Variants in COP1 observed in about 807,000 individuals in gnomAD.
COP1 encodes COP1 E3 ubiquitin ligase.
Under a neutral mutation model 101.3 loss-of-function variants are expected in COP1, and 24 were observed. The ratio of observed to expected loss-of-function variants is 0.24; its 90% CI spans 0.17 to 0.33. COP1 has a LOEUF of 0.33. Ranked by LOEUF, COP1 falls within the 10% of genes least tolerant of loss-of-function variation. The pLI is 1.00. For synonymous variants in COP1, 347 were observed against 341.9 expected (o/e 1.01, Z -0.17); for missense variants, 663 against 906.2 (o/e 0.73, Z 3.45).
intron 11 of COP1, among the ~76,000 whole-genome samples, chr1:176,051,139 T>C (rs1203754607): frequency 1.3e-5 from 2 of 152,136 alleles, no homozygotes; most frequent in African/African-American, 2.4e-5. Flanking sequence ...TGTCAAATGA[T>C]AGGACAAAAT....
chr1:175,954,215 C>A (rs1195934901), intron 18 of COP1, among the ~76,000 whole-genome samples: 1 of 152,056 alleles, frequency 6.6e-6, no homozygotes, highest in East Asian at 1.9e-4. Context: ...AAATGAGAAA[C>A]CATTTTGAAC....
At chr1:175,975,858 C>T (rs1328722324) in intron 18 of COP1, among the ~76,000 whole-genome samples, 2 of 152,188 alleles carry the variant, frequency 1.3e-5, no homozygotes, top group African/African-American at 4.8e-5. Context: ...TGATTAGGAA[C>T]CTGTTTTAAC....
chr1:176,173,324 G>GAAAAAAAAAA (rs11396126), intron 3 of COP1, among the ~76,000 whole-genome samples: 1 of 93,702 alleles, frequency 1.1e-5, no homozygotes. Context: ...AAAACAAAAT[G>GAAAAAAAAAA]AAAAAAAAAA....
At chr1:176,176,141 T>C (rs471534) in intron 2 of COP1, 134 bp from the exon 3 acceptor site, 449,492 of 552,018 alleles carry the variant, frequency 0.81, 186,736 homozygotes, top group East Asian at 0.95. Context: ...TTTTTGCTTA[T>C]ATTTTTACAT....
intron 1 of COP1, among the ~76,000 whole-genome samples, chr1:176,194,448 G>T (rs1397122948): frequency 6.6e-6 from 1 of 152,028 alleles, no homozygotes; most frequent in Non-Finnish European, 1.5e-5. Flanking sequence ...GACCATCCTG[G>T]CCAACATGGT....
At chr1:175,967,624 A>AT (rs1652325280) in intron 18 of COP1, among the ~76,000 whole-genome samples, 1 of 152,190 alleles carries the variant, frequency 6.6e-6, no homozygotes, top group African/African-American at 2.4e-5. Context: ...AAAAACCAAG[A>AT]TTTTGAATTC....
At chr1:175,992,669 T>G (rs993292568) in intron 15 of COP1, among the ~76,000 whole-genome samples, 2 of 152,140 alleles carry the variant, frequency 1.3e-5, no homozygotes, top group South Asian at 4.1e-4. Flanking sequence ...GAGATCAAAC[T>G]GCAAGGCGGC....
chr1:176,022,621 T>C (rs566158331), intron 15 of COP1, among the ~76,000 whole-genome samples: 1 of 152,332 alleles, frequency 6.6e-6, no homozygotes, highest in South Asian at 2.1e-4. Flanking sequence ...AGTTTTCTAG[T>C]TGTAAAGTTT....
rs573637805 is a variant in COP1 at position 175,988,384 on chromosome 1, T to C, written c.1876A>G (p.Asn626Asp). The C allele has an allele frequency of 1.2e-6, 2 of 1,608,912 alleles. No individual in the cohort carries two copies. The highest frequency in any genetic ancestry group is 1.1e-5 in the South Asian group (1 of 90,448). The change falls in exon 17 of 20, where the codon AAT becomes GAT. Residue 626 changes from asparagine (N) to aspartate (D), a missense_variant. Coordinates refer to ENST00000367669, the MANE Select transcript of COP1 (RefSeq NM_022457.7). Reference sequence around the variant, plus strand: ...CGTAGGCAGTATGGTTTCCCTACATTCCACAGTTTTAGCTGACTGTCTGTT... The same window carrying C: ...CGTAGGCAGTATGGTTTCCCTACATCCCACAGTTTTAGCTGACTGTCTGTT... The part of the protein sequence containing the change: ...ASTDSQLKLW[N>D]VGKPYCLRSF...
At chr1:176,051,978 A>T (rs1421807737) in intron 11 of COP1, among the ~76,000 whole-genome samples, 1 of 152,198 alleles carries the variant, frequency 6.6e-6, no homozygotes, top group Non-Finnish European at 1.5e-5. Flanking sequence ...TTAATTATTG[A>T]AGAAAAAAAT....
chr1:176,195,146 G>GA (rs1449519148), intron 1 of COP1, among the ~76,000 whole-genome samples: 1 of 147,370 alleles, frequency 6.8e-6, no homozygotes, highest in African/African-American at 2.5e-5. Context: ...AGAGGGAGAG[G>GA]GAGAAGAGAG....
At chr1:175,952,418 A>G (rs28770189) in intron 18 of COP1, among the ~76,000 whole-genome samples, 9,477 of 54,114 alleles carry the variant, frequency 0.18, 433 homozygotes, top group Non-Finnish European at 0.26. Flanking sequence ...GCAAGACTTC[A>G]TCTCAAAAAA....
chr1:176,130,382 C>A (rs1252200137), intron 8 of COP1, among the ~76,000 whole-genome samples: 1 of 151,716 alleles, frequency 6.6e-6, no homozygotes, highest in Non-Finnish European at 1.5e-5. Context: ...TTATTTCACA[C>A]ACACAACTAT....
chr1:176,112,304 A>AT (rs1221953427), intron 9 of COP1, among the ~76,000 whole-genome samples: 3 of 150,406 alleles, frequency 2.0e-5, no homozygotes, highest in East Asian at 3.9e-4. Context: ...AAGGATCTAC[A>AT]TTTTTTTTAA....
At chr1:176,081,802 G>T (rs1386369502) in intron 10 of COP1, among the ~76,000 whole-genome samples, 1 of 151,914 alleles carries the variant, frequency 6.6e-6, no homozygotes, top group Non-Finnish European at 1.5e-5. Flanking sequence ...TCCTATTACA[G>T]GAAGACAGTA....
At chr1:176,021,446 T>C (rs1299348456) in intron 15 of COP1, among the ~76,000 whole-genome samples, 1 of 152,238 alleles carries the variant, frequency 6.6e-6, no homozygotes, top group Non-Finnish European at 1.5e-5. Context: ...GCTTCAATCC[T>C]CATTGATTTG....
chr1:176,086,743 G>A (rs1469636520), intron 9 of COP1, among the ~76,000 whole-genome samples: 2 of 152,056 alleles, frequency 1.3e-5, no homozygotes, highest in Non-Finnish European at 2.9e-5. Flanking sequence ...TTTCTTCACA[G>A]AACTGGCAAA....
At chr1:176,145,712 C>G (rs143264745) in intron 6 of COP1, among the ~76,000 whole-genome samples, 3 of 152,138 alleles carry the variant, frequency 2.0e-5, no homozygotes, top group African/African-American at 7.2e-5. Context: ...TCTTAACATT[C>G]AGCCGAAGAA....
At chr1:175,976,334 G>T (rs1040399105) in intron 18 of COP1, among the ~76,000 whole-genome samples, 1 of 127,096 alleles carries the variant, frequency 7.9e-6, no homozygotes, top group African/African-American at 2.9e-5. Flanking sequence ...CTGGAATGTG[G>T]TGGTGCAATC....
Sources: allele counts gnomAD v4.1 joint callset (sites outside exome capture counted in the v4.1 genomes callset), GRCh38; gene constraint gnomAD v4.1.1; transcripts MANE v1.5; gene names NCBI Gene and HGNC (gene_info 2026-07-23, HGNC 2026-07-21).